Variants in TNKS observed in about 807,000 individuals in gnomAD.
TNKS encodes tankyrase, also known as poly [ADP-ribose] polymerase tankyrase-1.
TNKS carries 72 observed loss-of-function variants against 135.8 expected under a neutral mutation model. That is an observed-to-expected ratio of 0.53 (90% CI 0.44 to 0.64). The LOEUF is 0.64. TNKS is among the 30% of genes least tolerant of loss of function. The pLI, the probability that TNKS is intolerant of heterozygous loss-of-function variation, is 0.00. For missense variants in TNKS, 1,769 were observed against 1,674.0 expected (o/e 1.06, Z -0.99); for synonymous variants, 849 against 649.3 (o/e 1.31, Z -4.68).
intron 3 of TNKS, among the ~76,000 whole-genome samples, chr8:9,637,635 C>T (rs1300395644): frequency 6.6e-6 from 1 of 152,096 alleles, no homozygotes; most frequent in Admixed American, 6.5e-5. Flanking sequence ...TCCTTTTCTC[C>T]AGGAGAGCAA....
intron 22 of TNKS, among the ~76,000 whole-genome samples, chr8:9,764,023 C>A (rs1035954297): frequency 6.6e-6 from 1 of 152,026 alleles, no homozygotes; most frequent in Non-Finnish European, 1.5e-5. Context: ...TCATGGGGTC[C>A]GGTGTCTTAC....
intron 2 of TNKS, among the ~76,000 whole-genome samples, chr8:9,597,031 C>G (rs1320481136): frequency 1.3e-5 from 2 of 152,228 alleles, no homozygotes; most frequent in African/African-American, 2.4e-5. Context: ...TTAGAATTTA[C>G]TTCTGGGGAA....
At chr8:9,737,049 C>T (rs1443010138) in intron 17 of TNKS, among the ~76,000 whole-genome samples, 1 of 2,994 alleles carries the variant, frequency 3.3e-4, no homozygotes, top group Non-Finnish European at 5.5e-4. Context: ...GAATGTTCTT[C>T]CATTTGTTTG....
intron 2 of TNKS, among the ~76,000 whole-genome samples, chr8:9,598,735 C>G (rs28751965): frequency 0.078 from 4,393 of 56,578 alleles, 271 homozygotes; most frequent in African/African-American, 0.23. Context: ...GTGTGTGTGT[C>G]TGTGTGTGTA....
chr8:9,706,664 G>C, intron 7 of TNKS, 147 bp from the exon 8 acceptor site: 1 of 676,412 alleles, frequency 1.5e-6, no homozygotes, highest in Non-Finnish European at 2.3e-6. Context: ...TTTAATTTCA[G>C]CTGTTTTTGA....
chr8:9,566,851 A>G (rs997781428), intron 1 of TNKS, among the ~76,000 whole-genome samples: 3 of 146,400 alleles, frequency 2.0e-5, no homozygotes, highest in East Asian at 4.0e-4. Flanking sequence ...CTCATGATCC[A>G]CCCGCCTCGG....
Position 9,651,261 on chromosome 8 carries a change from A to AAT in TNKS, c.995-28682_995-28681dup, listed in dbSNP as rs199794766. ...TGGTTTTTTTAATCTTTAATTGTGT[A>AAT]ATATATATAAAAATAGCAGCTAAAG... On this transcript the variant is annotated intron_variant, in intron 3 of 26. Transcript: ENST00000310430. Among the ~76,000 whole-genome samples the AAT allele has an allele frequency of 8.5e-4, 130 of 152,244 alleles. 1 individual carries two copies. The East Asian group carries it at 0.023, about 27-fold the overall frequency.
At chr8:9,725,515 C>T (rs1334356137) in intron 12 of TNKS, among the ~76,000 whole-genome samples, 2 of 152,186 alleles carry the variant, frequency 1.3e-5, no homozygotes, top group Non-Finnish European at 2.9e-5. Context: ...TCTACAACCT[C>T]TTCATAGCAT....
chr8:9,719,016 T>C (rs1457182285), intron 11 of TNKS, among the ~76,000 whole-genome samples: 2 of 152,234 alleles, frequency 1.3e-5, no homozygotes, highest in Non-Finnish European at 2.9e-5. Flanking sequence ...ATTTTTCTTT[T>C]GTGCTGAAGA....
At chr8:9,621,299 T>A (rs909907977) in intron 3 of TNKS, among the ~76,000 whole-genome samples, 13 of 128,220 alleles carry the variant, frequency 1.0e-4, no homozygotes, top group African/African-American at 3.8e-4. Flanking sequence ...ACCGAGGCCT[T>A]ATTTTTGCTT....
intron 3 of TNKS, among the ~76,000 whole-genome samples, chr8:9,616,280 C>G (rs1432074703): frequency 6.6e-6 from 1 of 152,102 alleles, no homozygotes; most frequent in East Asian, 1.9e-4. Flanking sequence ...AGAGGAAATG[C>G]TAGAATGGAA....
chr8:9,681,906 T>C (rs1343429768), intron 5 of TNKS, among the ~76,000 whole-genome samples: 1 of 152,140 alleles, frequency 6.6e-6, no homozygotes, highest in Non-Finnish European at 1.5e-5. Context: ...TATCGTTACA[T>C]GGCCCAGTGA....
chr8:9,683,032 G>A (rs572179508), intron 5 of TNKS, among the ~76,000 whole-genome samples: 15 of 151,718 alleles, frequency 9.9e-5, no homozygotes, highest in African/African-American at 2.7e-4. Flanking sequence ...TTAAACTTAA[G>A]CATTTATTAG....
Position 9,575,158 on chromosome 8 carries a change from C to G in TNKS, c.674-5001C>G, listed in dbSNP as rs866830425. 3.9e-4 allele frequency: 312 copies of G among 801,974 alleles called. No individual in the cohort carries two copies. In the Middle Eastern group the frequency reaches 5.8e-3, roughly 15 times the overall value. 49.7% of individuals were successfully genotyped at this position (801,974 alleles called of 1,614,324 possible). A position where few individuals can be genotyped will look rare whatever the true frequency, so the allele number is the denominator to read the frequency against. On this transcript the variant is annotated intron_variant, in intron 1 of 26. Coordinates refer to ENST00000310430, the MANE Select transcript of TNKS (RefSeq NM_003747.3). ...CTGGAGTATAGGGGCGCGATCTCGG[C>G]TCATTGCAAGCTCCGCCTCCCGGGT...
At chr8:9,776,354 T>C (rs111494966) in intron 26 of TNKS, among the ~76,000 whole-genome samples, 193 of 152,356 alleles carry the variant, frequency 1.3e-3, no homozygotes, top group Non-Finnish European at 2.0e-3. Context: ...ATATTAGTGC[T>C]ACCTCGGGCC....
At chr8:9,602,530 A>G (rs1289705034) in intron 2 of TNKS, among the ~76,000 whole-genome samples, 1 of 152,198 alleles carries the variant, frequency 6.6e-6, no homozygotes. Context: ...ACTGAGGTTC[A>G]TGTCTTTATC....
intron 3 of TNKS, among the ~76,000 whole-genome samples, chr8:9,635,592 A>G (rs1800479157): frequency 6.6e-6 from 1 of 152,236 alleles, no homozygotes; most frequent in African/African-American, 2.4e-5. Context: ...GAAACTATAC[A>G]TTGACAAAAT....
intron 2 of TNKS, among the ~76,000 whole-genome samples, chr8:9,582,962 C>G (rs918533368): frequency 3.3e-5 from 5 of 151,808 alleles, no homozygotes; most frequent in African/African-American, 9.7e-5. Context: ...GTCAGGAGAT[C>G]GAGACCATCC....
At chr8:9,656,409 G>A (rs1044760400) in intron 3 of TNKS, among the ~76,000 whole-genome samples, 3 of 151,924 alleles carry the variant, frequency 2.0e-5, no homozygotes, top group Admixed American at 6.6e-5. Flanking sequence ...GATACTCCTC[G>A]AGAAGAGCAA....
Sources: allele counts gnomAD v4.1 joint callset (sites outside exome capture counted in the v4.1 genomes callset), GRCh38; gene constraint gnomAD v4.1.1; transcripts MANE v1.5; gene names NCBI Gene and HGNC (gene_info 2026-07-23, HGNC 2026-07-21).